RANBP2: variants seen among roughly 807,000 people sequenced by gnomAD.
RANBP2 encodes the protein RAN binding protein 2.
RANBP2 carries 57 observed loss-of-function variants against 303.6 expected under a neutral mutation model. That is an observed-to-expected ratio of 0.19 (90% confidence interval 0.15 to 0.23). RANBP2 has a LOEUF of 0.23. Among genes scored for constraint, RANBP2 ranks in the 10% least tolerant of loss-of-function variants. RANBP2 has a pLI of 1.00. For missense variants in RANBP2, 3,138 were observed against 3,780.8 expected, an observed-to-expected ratio of 0.83 and a Z score of 4.46; for synonymous variants, 1,167 against 1,301.5, an observed-to-expected ratio of 0.90 and a Z score of 2.23.
At chr2:109,078,131 ATATAGCGTGTATATATATAGCATG>A in the RANBP2 span, among the ~76,000 whole-genome samples, 12 of 91,182 alleles carry the variant, frequency 1.3e-4, no homozygotes, top group African/African-American at 4.4e-4. Context: ...GTGTATATAT[ATATAGCGTGTATATATATAGCATG>A]TATATATATA....
the RANBP2 span, among the ~76,000 whole-genome samples, chr2:109,548,593 C>A: frequency 1.3e-5 from 2 of 151,780 alleles, no homozygotes; most frequent in African/African-American, 4.8e-5. Flanking sequence ...CTGGGCAACA[C>A]GGGGAAACCC....
At chr2:108,948,969 A>G in the RANBP2 span, among the ~76,000 whole-genome samples, 1 of 152,184 alleles carries the variant, frequency 6.6e-6, no homozygotes, top group South Asian at 2.1e-4. Context: ...ACTTAAAAAA[A>G]TTAGTTAAAA....
the RANBP2 span, among the ~76,000 whole-genome samples, chr2:108,983,985 A>AG: frequency 6.6e-6 from 1 of 152,184 alleles, no homozygotes; most frequent in Admixed American, 6.5e-5. Flanking sequence ...CAGGGCTGCA[A>AG]GGGGGGCGAC....
At chr2:109,417,740 A>G in the RANBP2 span, among the ~76,000 whole-genome samples, 2 of 152,190 alleles carry the variant, frequency 1.3e-5, no homozygotes, top group African/African-American at 4.8e-5. Flanking sequence ...AACAGGAGGA[A>G]GAAATCGTTT....
At chr2:109,580,349 C>CAA in the RANBP2 span, among the ~76,000 whole-genome samples, 8 of 135,920 alleles carry the variant, frequency 5.9e-5, no homozygotes, top group African/African-American at 1.4e-4. Context: ...CCATAAAATG[C>CAA]AAAAAAAAAA....
chr2:109,287,933 G>T, the RANBP2 span, among the ~76,000 whole-genome samples: 1 of 152,238 alleles, frequency 6.6e-6, no homozygotes, highest in African/African-American at 2.4e-5. Flanking sequence ...TCCAGGACCT[G>T]CCTGTTCAAA....
chr2:109,199,228 G>T, the RANBP2 span, among the ~76,000 whole-genome samples: 1 of 143,962 alleles, frequency 6.9e-6, no homozygotes, highest in Admixed American at 7.1e-5. Context: ...GCGTGGTGGC[G>T]GGTGCCTGTA....
the RANBP2 span, among the ~76,000 whole-genome samples, chr2:109,416,086 C>T: frequency 6.6e-6 from 1 of 152,198 alleles, no homozygotes; most frequent in Non-Finnish European, 1.5e-5. Flanking sequence ...CATCGCACTT[C>T]TCAGTCTCCA....
At chr2:109,317,341 G>T in the RANBP2 span, among the ~76,000 whole-genome samples, 1 of 152,122 alleles carries the variant, frequency 6.6e-6, no homozygotes, top group Non-Finnish European at 1.5e-5. Flanking sequence ...GTGGGCAGGT[G>T]GGCAGGTGCC....
At chr2:108,837,403 A>G in the RANBP2 span, among the ~76,000 whole-genome samples, 1 of 152,226 alleles carries the variant, frequency 6.6e-6, no homozygotes, top group Non-Finnish European at 1.5e-5. Flanking sequence ...ATGGCGTATA[A>G]TCCCTTTTAA....
chr2:109,720,751 G>A, the RANBP2 span, among the ~76,000 whole-genome samples: 1 of 152,180 alleles, frequency 6.6e-6, no homozygotes, highest in Non-Finnish European at 1.5e-5. Context: ...CTCCAAAGAT[G>A]TGAGTTGCCA....
At chr2:109,429,951 G>A in the RANBP2 span, among the ~76,000 whole-genome samples, 12 of 152,294 alleles carry the variant, frequency 7.9e-5, no homozygotes, top group African/African-American at 2.4e-4. Flanking sequence ...GCCAATCCAC[G>A]GAACAAGGCC....
At chr2:109,215,564 C>T in the RANBP2 span, among the ~76,000 whole-genome samples, 1 of 152,122 alleles carries the variant, frequency 6.6e-6, no homozygotes, top group Non-Finnish European at 1.5e-5. Context: ...GAGCCCCTGT[C>T]TGATGTAGTT....
chr2:108,767,219 A>C lies in RANBP2; in HGVS notation c.6680A>C (p.Tyr2227Ser). 1 of 1,611,830 alleles carries C rather than the reference A, an allele frequency of 6.2e-7. No homozygotes were observed. The highest frequency in any genetic ancestry group is 2.2e-5 in the East Asian group (1 of 44,890). ...GGGCCCACATTAGAATGGGATAACT[A>C]TGATTTAAGGGAAGATGCTTTGGAT... ...NTGPTLEWDN[Y>S]DLREDALDDS... The change falls in exon 20 of 29, where the codon TAT becomes TCT. Residue 2227 changes from tyrosine (Y) to serine (S), a missense_variant. By Grantham distance (144) the Tyr-to-Ser change is moderately radical (BLOSUM62 -2). Around this residue, in one of 20 missense-constraint regions of RANBP2, gnomAD observed 72 missense variants for 86.8 expected, o/e 0.83. Coordinates refer to ENST00000283195, the MANE Select transcript of RANBP2 (RefSeq NM_006267.5).
chr2:108,752,496 G>A (rs1263280160), intron 12 of RANBP2, among the ~76,000 whole-genome samples: 1 of 151,540 alleles, frequency 6.6e-6, no homozygotes, highest in East Asian at 1.9e-4. Flanking sequence ...GTAGAGGCCG[G>A]GTGCGGTGGC....
chr2:109,115,792 T>C, the RANBP2 span, among the ~76,000 whole-genome samples: 5 of 151,898 alleles, frequency 3.3e-5, no homozygotes, highest in African/African-American at 9.7e-5. Context: ...CCATGTTTAG[T>C]GCTTCCTTCA....
chr2:109,731,217 T>C, the RANBP2 span, among the ~76,000 whole-genome samples: 1 of 152,162 alleles, frequency 6.6e-6, no homozygotes, highest in Admixed American at 6.5e-5. Flanking sequence ...TTCAGTTTAT[T>C]TGCAGCAACC....
At chr2:109,162,627 T>C in the RANBP2 span, among the ~76,000 whole-genome samples, 5 of 152,186 alleles carry the variant, frequency 3.3e-5, no homozygotes, top group Admixed American at 3.3e-4. Flanking sequence ...AGTCTATCAT[T>C]GTTGGACATT....
At chr2:108,894,633 T>G in the RANBP2 span, 6 of 152,756 alleles carry the variant, frequency 3.9e-5, no homozygotes, top group South Asian at 1.2e-3. Flanking sequence ...TATGAATATC[T>G]CCACACAAAA....
Sources: gnomAD v4.1 joint callset for allele counts (sites outside exome capture counted in the v4.1 genomes callset) on GRCh38, gnomAD v4.1.1 for gene constraint, gnomAD v4.1.1 regional missense constraint, MANE v1.5 for transcripts, NCBI Gene and HGNC (gene_info 2026-07-23, HGNC 2026-07-21) for gene names.